RAB11FIP5: variants seen among roughly 807,000 people sequenced by gnomAD.
RAB11FIP5 encodes the protein RAB11 family interacting protein 5.
RAB11FIP5 carries 48 observed loss-of-function variants against 85.1 expected under a neutral mutation model. That is an observed-to-expected ratio of 0.56 (90% CI 0.45 to 0.72). The LOEUF (loss-of-function observed/expected upper bound fraction) is 0.72. Ranked by LOEUF, RAB11FIP5 falls within the 30% of genes least tolerant of loss-of-function variation. The pLI is 0.00. For missense variants in RAB11FIP5, 1,491 were observed against 1,687.0 expected (o/e 0.88, Z 2.04); for synonymous variants, 729 against 727.3 (o/e 1.00, Z -0.04).
chr2:73,111,483 T>C (rs949952350), intron 1 of RAB11FIP5, among the ~76,000 whole-genome samples: 1 of 152,208 alleles, frequency 6.6e-6, no homozygotes, highest in Non-Finnish European at 1.5e-5. Context: ...TTCCAGCTCC[T>C]GCCCAAGCCC....
chr2:73,089,380 A>T lies in RAB11FIP5; in HGVS notation c.432-65T>A, dbSNP rs576257890. ...CCAGGGAGCCTGGCTCCCGCCCGGT[A>T]CCAGGCACTGCCCAGACCCCTCCTT... On this transcript the variant is annotated intron_variant, in intron 1 of 5. Coordinates refer to ENST00000486777, the MANE Select transcript of RAB11FIP5 (RefSeq NM_001371272.1). This position sits in a 1 kb window ranked among gnomAD's most constrained non-coding sequence, Gnocchi z 4.6. 1.0e-4 allele frequency: 158 copies of T among 1,522,538 alleles called. 1 individual carries two copies. The highest frequency in any genetic ancestry group is 3.8e-4 in the East Asian group (17 of 44,478). 94.3% of individuals were successfully genotyped at this position (1,522,538 alleles called of 1,614,324 possible). A position where few individuals can be genotyped will look rare whatever the true frequency, so the allele number is the denominator to read the frequency against.
intron 1 of RAB11FIP5, among the ~76,000 whole-genome samples, chr2:73,104,467 C>G (rs932869079): frequency 6.6e-6 from 1 of 152,178 alleles, no homozygotes; most frequent in African/African-American, 2.4e-5. Context: ...GCTCGGTAGG[C>G]TGAGGCAGGA....
rs781409741 is a variant in RAB11FIP5 at position 73,088,453 on chromosome 2, T to G, written c.1165A>C (p.Arg389=). 73 of 1,613,852 alleles carry G rather than the reference T, an allele frequency of 4.5e-5. No homozygotes were observed. In the Admixed American group the frequency reaches 1.2e-3, roughly 27 times the overall value. ...GPRSTDDTWP[R]GSRSNSSSEA... ...GAGCTGCTGTTGCTACGACTGCCTC[T>G]GGGCCAGGTGTCATCTGTGGAACGA... Residue 389 remains arginine (R), a synonymous_variant, in exon 3 of 6, where the codon AGA becomes CGA. Transcript: ENST00000486777.
chr2:73,081,540 G>A lies in RAB11FIP5; in HGVS notation c.1692C>T (p.Asn564=). The A allele has an allele frequency of 9.0e-6, 11 of 1,218,812 alleles. No individual in the cohort carries two copies. The highest frequency in any genetic ancestry group is 1.1e-5 in the Non-Finnish European group (11 of 975,474). 75.5% of individuals were successfully genotyped at this position (1,218,812 alleles called of 1,614,324 possible). A position where few individuals can be genotyped will look rare whatever the true frequency, so the allele number is the denominator to read the frequency against. ...APTAAPMLST[N]LFAAASPAAA... ...CAGCGGGGGAGGCGGCTGCAAAAAGGTTAGTGCTTAGCATGGGAGCAGCAG... is the reference window on the plus strand; with the variant it reads ...CAGCGGGGGAGGCGGCTGCAAAAAGATTAGTGCTTAGCATGGGAGCAGCAG... Residue 564 remains asparagine, a synonymous_variant, in exon 4 of 6, where the codon AAC becomes AAT. Transcript: ENST00000486777. This position sits in a 1 kb window ranked among gnomAD's most constrained non-coding sequence, Gnocchi z 4.2.
chr2:73,076,117 C>T lies in RAB11FIP5; in HGVS notation c.3647G>A (p.Arg1216His), dbSNP rs752792623. 8 of 1,613,864 alleles carry T rather than the reference C, an allele frequency of 5.0e-6. No individual in the cohort carries two copies. In the East Asian group the frequency reaches 1.1e-4, roughly 22 times the overall value. ...VEGSPDRKQS[R>H]SSLSIALSSG... ...GCTCAGGGCTATGCTCAGACTGGAG[C>T]GGGACTGCTTCCTGTCGGGGCTGCC... Residue 1216 changes from arginine to histidine, a missense_variant, in exon 5 of 6, where the codon CGC becomes CAC. Physicochemically the swap from Arg to His is conservative, Grantham distance 29 (BLOSUM62 0). This residue lies in a region of RAB11FIP5 where 232 missense variants were observed against 259.1 expected (regional missense o/e 0.90). Transcript: ENST00000486777.
At chr2:73,077,990 A>T (rs557398207) in intron 4 of RAB11FIP5, among the ~76,000 whole-genome samples, 3 of 152,348 alleles carry the variant, frequency 2.0e-5, no homozygotes, top group Admixed American at 6.5e-5. Context: ...CCATGCATTC[A>T]TTCTCACAAA....
chr2:73,077,449 T>C (rs1172920906), intron 4 of RAB11FIP5, among the ~76,000 whole-genome samples: 2 of 152,206 alleles, frequency 1.3e-5, no homozygotes, highest in Non-Finnish European at 2.9e-5. Context: ...CATCTCAGTC[T>C]TGCCCACCTC....
chr2:73,081,126 T>TCCC lies in RAB11FIP5; in HGVS notation c.2103_2105dup (p.Gly712dup), dbSNP rs869253297. On this transcript the variant is annotated inframe_insertion, in exon 4 of 6. Coordinates refer to ENST00000486777, the MANE Select transcript of RAB11FIP5 (RefSeq NM_001371272.1). This position sits in a 1 kb window ranked among gnomAD's most constrained non-coding sequence, Gnocchi z 4.2. ...CTCCTCCTCCTCCTCCTCCTCCTCC[T>TCCC]CCCCCAGGCTCTCCCTGGGGCTCAG... The TCCC allele has an allele frequency of 2.4e-6, 3 of 1,228,794 alleles. No homozygotes were observed. The highest frequency in any genetic ancestry group is 3.2e-5 in the East Asian group (1 of 31,440). 76.1% of individuals were successfully genotyped at this position (1,228,794 alleles called of 1,614,324 possible).
chr2:73,101,855 C>G (rs1574303884), intron 1 of RAB11FIP5, among the ~76,000 whole-genome samples: 2 of 152,212 alleles, frequency 1.3e-5, no homozygotes, highest in African/African-American at 4.8e-5. Flanking sequence ...CGGCGAGATC[C>G]CACCCAACCA....
intron 3 of RAB11FIP5, chr2:73,084,534 T>G (rs914823348): frequency 6.6e-6 from 1 of 152,240 alleles, no homozygotes; most frequent in African/African-American, 2.4e-5. Flanking sequence ...GAAGTCCAGA[T>G]GTCTCTGCCC....
chr2:73,088,382 G>A lies in RAB11FIP5; in HGVS notation c.1236C>T (p.Val412=), dbSNP rs772868278. The A allele has an allele frequency of 1.1e-5, 18 of 1,613,618 alleles. 1 individual carries two copies. Among genetic ancestry groups the A allele is most frequent in the Non-Finnish European group, 1.4e-5 (17 of 1,180,018 alleles). The change falls in exon 3 of 6, where the codon GTC becomes GTT. Residue 412 remains valine (V), a synonymous_variant. Coordinates refer to ENST00000486777, the MANE Select transcript of RAB11FIP5 (RefSeq NM_001371272.1). The part of the protein sequence containing the change: ...GQEELSAQAK[V]LAPGASHPGE... ...CAGGGTGGCTGGCCCCAGGGGCCAG[G>A]ACTTTAGCCTGAGCACTCAGCTCCT...
intron 1 of RAB11FIP5, among the ~76,000 whole-genome samples, chr2:73,098,189 C>T (rs1439900105): frequency 2.0e-5 from 3 of 152,166 alleles, no homozygotes; most frequent in African/African-American, 7.2e-5. Flanking sequence ...TGGTAGCAGC[C>T]TACCCTCTCC....
At chr2:73,110,161 C>G (rs1303120576) in intron 1 of RAB11FIP5, among the ~76,000 whole-genome samples, 1 of 152,238 alleles carries the variant, frequency 6.6e-6, no homozygotes, top group Non-Finnish European at 1.5e-5. Flanking sequence ...GAGACCACCA[C>G]AGCCAACTCC....
rs541326335 is a variant in RAB11FIP5, at chr2:73,075,799, C to T, written c.3772-75G>A. On this transcript the variant is annotated intron_variant, in intron 5 of 5. Transcript: ENST00000486777. The surrounding 1 kb of genome is among the most constrained non-coding windows in gnomAD (Gnocchi z 4.6). ...CTGCCTGCCCGCTTGCCCGCCCGCCCGCCTGCCCACCAACACCTAAGTTTC... is the reference window on the plus strand; with the variant it reads ...CTGCCTGCCCGCTTGCCCGCCCGCCTGCCTGCCCACCAACACCTAAGTTTC... 1.5e-5 allele frequency: 22 copies of T among 1,492,624 alleles called. 1 individual carries two copies. Among genetic ancestry groups the T allele is most frequent in the East Asian group, 2.3e-5 (1 of 43,076 alleles). 92.5% of individuals were successfully genotyped at this position (1,492,624 alleles called of 1,614,324 possible).
chr2:73,104,918 AG>A (rs2106123366), intron 1 of RAB11FIP5, among the ~76,000 whole-genome samples: 1 of 152,356 alleles, frequency 6.6e-6, no homozygotes, highest in Non-Finnish European at 1.5e-5. Context: ...TTCTGGAGAA[AG>A]GGCTATCCAC....
chr2:73,077,423 A>T (rs551880537), intron 4 of RAB11FIP5, among the ~76,000 whole-genome samples: 2 of 152,328 alleles, frequency 1.3e-5, no homozygotes, highest in African/African-American at 4.8e-5. Context: ...AGTCACAGCC[A>T]CTAAATCAGC....
intron 1 of RAB11FIP5, among the ~76,000 whole-genome samples, chr2:73,100,272 C>T (rs1271735424): frequency 6.6e-6 from 1 of 152,140 alleles, no homozygotes; most frequent in Non-Finnish European, 1.5e-5. Context: ...CAGTGATATG[C>T]CGTTTCAAGT....
At position 73,073,672 on chromosome 2, in the gene RAB11FIP5, G is replaced by C. The variant is rs1181328475; in HGVS notation, c.*1849C>G. 6.6e-6 allele frequency: 1 copy of C among 152,142 alleles called. No homozygotes were observed. Among genetic ancestry groups the C allele is most frequent in the Non-Finnish European group, 1.5e-5 (1 of 68,038 alleles). The allele number at this position is 152,142 out of a possible 1,614,324, so 9.4% of individuals were successfully genotyped here. ...ATAAAGCCCAGAGGAATCCCCAGTAGGGGGGGTGACTCCCCCTCTCTCAGA... is the reference window on the plus strand; with the variant it reads ...ATAAAGCCCAGAGGAATCCCCAGTACGGGGGGTGACTCCCCCTCTCTCAGA... On this transcript the variant is annotated 3_prime_UTR_variant, in exon 6 of 6. Coordinates refer to ENST00000486777, the MANE Select transcript of RAB11FIP5 (RefSeq NM_001371272.1).
Position 73,080,672 on chromosome 2 carries a change from C to G in RAB11FIP5, c.2560G>C (p.Glu854Gln). Residue 854 changes from glutamate (E) to glutamine (Q), a missense_variant, in exon 4 of 6, where the codon GAG becomes CAG. Physicochemically the swap from Glu to Gln is conservative, Grantham distance 29. Transcript: ENST00000486777. The part of the protein sequence containing the change: ...AETASLVFRG[E>Q]SDEPAPQVQP... ...ACCTGGGGAGCAGGCTCATCAGACTCTCCCCGAAAGACTAGTGAGGCTGTC... is the reference window on the plus strand; with the variant it reads ...ACCTGGGGAGCAGGCTCATCAGACTGTCCCCGAAAGACTAGTGAGGCTGTC... The G allele has an allele frequency of 1.6e-6, 2 of 1,232,466 alleles. No homozygotes were observed. The highest frequency in any genetic ancestry group is 1.0e-6 in the Non-Finnish European group (1 of 988,068). 76.3% of individuals were successfully genotyped at this position (1,232,466 alleles called of 1,614,324 possible).
Sources: gnomAD v4.1 joint callset for allele counts (sites outside exome capture counted in the v4.1 genomes callset) on GRCh38, gnomAD v4.1.1 for gene constraint, gnomAD v4.1.1 regional missense constraint, Gnocchi (gnomAD v3.1) non-coding constraint, MANE v1.5 for transcripts, NCBI Gene and HGNC (gene_info 2026-07-23, HGNC 2026-07-21) for gene names.